ERC2: variants seen among roughly 807,000 people sequenced by gnomAD.
ERC2 encodes the protein ERC protein 2.
In ERC2, 42 loss-of-function variants were observed where a neutral mutation model predicts 114.8. The observed-to-expected ratio is 0.37, with a 90% CI of 0.29 to 0.47. The LOEUF (loss-of-function observed/expected upper bound fraction) is 0.47, where lower values mean the gene tolerates loss of function less well. Ranked by LOEUF, ERC2 falls within the 20% of genes least tolerant of loss-of-function variation. ERC2 has a pLI of 0.99. For synonymous variants in ERC2, 454 were observed against 425.5 expected, an observed-to-expected ratio of 1.07 and a Z score of -0.82; for missense variants, 939 against 1,150.7, an observed-to-expected ratio of 0.82 and a Z score of 2.66.
chr3:56,286,910 T>C (rs1018628799), intron 3 of ERC2, among the ~76,000 whole-genome samples: 12 of 152,366 alleles, frequency 7.9e-5, no homozygotes, highest in Admixed American at 2.0e-4. Context: ...TACAAACAAC[T>C]TATACAGAAT....
chr3:55,910,192 C>A (rs899487514), intron 13 of ERC2, among the ~76,000 whole-genome samples: 1 of 152,058 alleles, frequency 6.6e-6, no homozygotes, highest in Admixed American at 6.6e-5. Flanking sequence ...GAGTTGGAGA[C>A]CAGCCTGGCC....
intron 3 of ERC2, among the ~76,000 whole-genome samples, chr3:56,277,817 C>G (rs2054100784): frequency 6.6e-6 from 1 of 151,624 alleles, no homozygotes; most frequent in Non-Finnish European, 1.5e-5. Context: ...AAACTGGTTA[C>G]AGAGAGAATA....
chr3:56,394,049 T>C (rs1248774671), intron 2 of ERC2, among the ~76,000 whole-genome samples: 1 of 152,164 alleles, frequency 6.6e-6, no homozygotes, highest in Non-Finnish European at 1.5e-5. Flanking sequence ...GAGAATTTTC[T>C]CTACTAGCTA....
intron 12 of ERC2, among the ~76,000 whole-genome samples, chr3:55,975,675 C>G (rs1250695418): frequency 1.3e-5 from 2 of 152,198 alleles, no homozygotes; most frequent in South Asian, 4.1e-4. Context: ...AGATACTCCT[C>G]GTTATGTTCA....
chr3:55,681,337 C>T (rs1437386471), intron 17 of ERC2, among the ~76,000 whole-genome samples: 1 of 152,160 alleles, frequency 6.6e-6, no homozygotes, highest in Non-Finnish European at 1.5e-5. Flanking sequence ...CCTTCCGATG[C>T]TATTATGAGC....
chr3:56,065,518 C>CT (rs374218856), intron 7 of ERC2, among the ~76,000 whole-genome samples: 6 of 134,418 alleles, frequency 4.5e-5, no homozygotes, highest in East Asian at 2.1e-4. Flanking sequence ...GGACTACTTT[C>CT]TTTTTTAAAA....
At chr3:56,002,116 ATGTGT>A (rs1297083867) in intron 10 of ERC2, among the ~76,000 whole-genome samples, 1 of 152,168 alleles carries the variant, frequency 6.6e-6, no homozygotes, top group Non-Finnish European at 1.5e-5. Context: ...CAAAAATAAA[ATGTGT>A]TGTAAAGAAT....
intron 14 of ERC2, among the ~76,000 whole-genome samples, chr3:55,886,405 C>G (rs1248642260): frequency 6.6e-6 from 1 of 152,170 alleles, no homozygotes; most frequent in Non-Finnish European, 1.5e-5. Context: ...AAATCTTTCT[C>G]TATTCTTATA....
intron 10 of ERC2, among the ~76,000 whole-genome samples, chr3:55,994,701 G>A (rs902480292): frequency 6.6e-5 from 9 of 135,918 alleles, no homozygotes; most frequent in South Asian, 2.4e-4. Flanking sequence ...CAGAGACAGC[G>A]TAGTCTGCTA....
intron 4 of ERC2, among the ~76,000 whole-genome samples, chr3:56,166,467 T>C (rs1035847284): frequency 6.6e-6 from 1 of 152,076 alleles, no homozygotes; most frequent in Non-Finnish European, 1.5e-5. Context: ...AAACATTTGG[T>C]ACAATTCACT....
At chr3:56,205,655 G>T (rs1266877395) in intron 3 of ERC2, among the ~76,000 whole-genome samples, 1 of 152,112 alleles carries the variant, frequency 6.6e-6, no homozygotes, top group Non-Finnish European at 1.5e-5. Flanking sequence ...CTACCACCAG[G>T]TCACAAAACC....
chr3:56,423,773 A>C (rs1434572352), intron 2 of ERC2, among the ~76,000 whole-genome samples: 1 of 152,120 alleles, frequency 6.6e-6, no homozygotes, highest in East Asian at 1.9e-4. Context: ...CTACCTAAAA[A>C]CCTACTTCCC....
intron 2 of ERC2, among the ~76,000 whole-genome samples, chr3:56,372,014 G>T (rs2059379555): frequency 6.6e-6 from 1 of 152,218 alleles, no homozygotes; most frequent in South Asian, 2.1e-4. Flanking sequence ...GAAGGAATTT[G>T]TATGAGTCTA....
At chr3:56,013,961 A>C (rs964521022) in intron 8 of ERC2, among the ~76,000 whole-genome samples, 9 of 152,218 alleles carry the variant, frequency 5.9e-5, no homozygotes, top group Non-Finnish European at 1.3e-4. Flanking sequence ...ATTTGTCCTA[A>C]GATAGAGAAC....
At chr3:56,067,184 C>T (rs549417135) in intron 7 of ERC2, among the ~76,000 whole-genome samples, 5 of 152,224 alleles carry the variant, frequency 3.3e-5, no homozygotes, top group East Asian at 1.9e-4. Context: ...TTCCTATTAA[C>T]GAGGATGAAA....
chr3:56,248,340 TG>T, intron 3 of ERC2, among the ~76,000 whole-genome samples: 1 of 152,320 alleles, frequency 6.6e-6, no homozygotes, highest in Non-Finnish European at 1.5e-5. Flanking sequence ...GCAATTCTCC[TG>T]CCTCGGCCTC....
chr3:55,546,042 G>A (rs1257578074), intron 17 of ERC2, among the ~76,000 whole-genome samples: 1 of 152,192 alleles, frequency 6.6e-6, no homozygotes, highest in Non-Finnish European at 1.5e-5. Flanking sequence ...CAGTGGTCAG[G>A]AGCCAGAGAG....
At chr3:55,751,032 T>G (rs2066670753) in intron 14 of ERC2, among the ~76,000 whole-genome samples, 1 of 152,238 alleles carries the variant, frequency 6.6e-6, no homozygotes, top group Admixed American at 6.5e-5. Flanking sequence ...TGGCAAAAAA[T>G]ATTTTTTCCT....
At chr3:56,374,127 C>T (rs978154136) in intron 2 of ERC2, among the ~76,000 whole-genome samples, 5 of 152,114 alleles carry the variant, frequency 3.3e-5, no homozygotes, top group Admixed American at 1.3e-4. Context: ...GACTGAGTCT[C>T]GCTCTGTCGC....
Sources: gnomAD v4.1 joint callset for allele counts (sites outside exome capture counted in the v4.1 genomes callset) on GRCh38, gnomAD v4.1.1 for gene constraint, MANE v1.5 for transcripts, NCBI Gene and HGNC (gene_info 2026-07-23, HGNC 2026-07-21) for gene names.